The following EXOC6B variants were observed in gnomAD, a reference collection of about 807,000 sequenced individuals.
EXOC6B encodes the protein exocyst complex component 6B.
A neutral mutation model predicts 113.5 loss-of-function variants in EXOC6B; 54 were observed. The observed-to-expected ratio is 0.48, with a 90% CI of 0.38 to 0.60. EXOC6B has a LOEUF of 0.60. Ranked by LOEUF, EXOC6B falls within the 20% of genes least tolerant of loss-of-function variation. The pLI is 0.00. For synonymous variants in EXOC6B, 357 were observed against 339.0 expected (o/e 1.05, Z -0.58); for missense variants, 797 against 977.5 (o/e 0.82, Z 2.46).
At chr2:72,502,431 C>T (rs1700374340) in intron 11 of EXOC6B, among the ~76,000 whole-genome samples, 1 of 152,094 alleles carries the variant, frequency 6.6e-6, no homozygotes, top group Non-Finnish European at 1.5e-5. Flanking sequence ...GCCTATGGTC[C>T]CAGCTACTCA....
chr2:72,279,406 T>C (rs574688915), intron 20 of EXOC6B, among the ~76,000 whole-genome samples: 8 of 152,286 alleles, frequency 5.3e-5, no homozygotes, highest in Admixed American at 3.9e-4. Context: ...ATCAGATGGA[T>C]TTGGAAATTT....
At chr2:72,351,237 C>A (rs184937900) in intron 19 of EXOC6B, among the ~76,000 whole-genome samples, 29 of 152,254 alleles carry the variant, frequency 1.9e-4, no homozygotes, top group Admixed American at 1.6e-3. Flanking sequence ...TTTACTGATG[C>A]CTACAAAGAA....
chr2:72,475,332 C>T (rs893781808), intron 17 of EXOC6B, among the ~76,000 whole-genome samples: 4 of 152,168 alleles, frequency 2.6e-5, no homozygotes, highest in African/African-American at 9.7e-5. Context: ...ATGGCAGTGG[C>T]AGAAACATCC....
intron 19 of EXOC6B, among the ~76,000 whole-genome samples, chr2:72,353,992 C>A (rs1481545776): frequency 6.6e-6 from 1 of 152,166 alleles, no homozygotes; most frequent in Admixed American, 6.5e-5. Context: ...GAGCAGCAAG[C>A]TTCGGATCAC....
At chr2:72,602,400 G>A (rs956819393) in intron 6 of EXOC6B, among the ~76,000 whole-genome samples, 1 of 152,058 alleles carries the variant, frequency 6.6e-6, no homozygotes, top group Non-Finnish European at 1.5e-5. Context: ...CATACTCCAC[G>A]TGAGAAAGAG....
chr2:72,824,868 A>C (rs1401314168), intron 1 of EXOC6B, among the ~76,000 whole-genome samples: 1 of 152,158 alleles, frequency 6.6e-6, no homozygotes, highest in African/African-American at 2.4e-5. Context: ...ACAGTGGTTA[A>C]GTGTCTGGGT....
intron 6 of EXOC6B, among the ~76,000 whole-genome samples, chr2:72,704,004 C>T (rs1433506879): frequency 2.6e-5 from 4 of 151,900 alleles, no homozygotes; most frequent in Non-Finnish European, 5.9e-5. Context: ...AACTCTCCAC[C>T]CCAAATCAAC....
At chr2:72,710,750 G>A (rs1679220209) in intron 6 of EXOC6B, among the ~76,000 whole-genome samples, 1 of 152,154 alleles carries the variant, frequency 6.6e-6, no homozygotes, top group African/African-American at 2.4e-5. Context: ...AAATTTTGCT[G>A]TAGTGAAGAC....
chr2:72,721,413 AC>A (rs1170639785), intron 5 of EXOC6B, among the ~76,000 whole-genome samples: 1 of 132,978 alleles, frequency 7.5e-6, no homozygotes, highest in Non-Finnish European at 1.6e-5. Context: ...TCACAAAAGA[AC>A]CAAAAAGGGC....
intron 6 of EXOC6B, among the ~76,000 whole-genome samples, chr2:72,670,770 C>T (rs1224971104): frequency 1.3e-5 from 2 of 152,178 alleles, no homozygotes; most frequent in Admixed American, 6.5e-5. Flanking sequence ...GAATGCTATT[C>T]TTAATCTCTT....
At chr2:72,775,566 T>C (rs1683647556) in intron 1 of EXOC6B, among the ~76,000 whole-genome samples, 1 of 151,958 alleles carries the variant, frequency 6.6e-6, no homozygotes, top group Non-Finnish European at 1.5e-5. Flanking sequence ...TGGAGTACTA[T>C]TCAGCAAAAA....
chr2:72,370,335 T>A (rs978592260), intron 19 of EXOC6B, among the ~76,000 whole-genome samples: 13 of 152,134 alleles, frequency 8.5e-5, no homozygotes, highest in South Asian at 4.1e-4. Flanking sequence ...CCAGTTAGAA[T>A]GGCGATCATT....
intron 5 of EXOC6B, among the ~76,000 whole-genome samples, chr2:72,727,503 C>T (rs1273305360): frequency 6.6e-6 from 1 of 152,088 alleles, no homozygotes; most frequent in Non-Finnish European, 1.5e-5. Flanking sequence ...GATTCTTTTG[C>T]TAGAAAGAAC....
chr2:72,331,679 T>A (rs1688423352), intron 20 of EXOC6B, among the ~76,000 whole-genome samples: 1 of 152,114 alleles, frequency 6.6e-6, no homozygotes, highest in Non-Finnish European at 1.5e-5. Context: ...ATTTGTACTA[T>A]CTAATTCACG....
At chr2:72,475,650 G>C (rs1698694805) in intron 17 of EXOC6B, among the ~76,000 whole-genome samples, 1 of 152,124 alleles carries the variant, frequency 6.6e-6, no homozygotes, top group South Asian at 2.1e-4. Flanking sequence ...AGTAGTTAGG[G>C]GTGAGGCAAT....
At chr2:72,256,918 G>A (rs187283794) in intron 20 of EXOC6B, among the ~76,000 whole-genome samples, 3 of 151,600 alleles carry the variant, frequency 2.0e-5, no homozygotes, top group Non-Finnish European at 2.9e-5. Context: ...ACACAAGGAG[G>A]CTGAATGTAA....
chr2:72,572,867 T>A (rs1310955966), intron 7 of EXOC6B, among the ~76,000 whole-genome samples: 2 of 152,222 alleles, frequency 1.3e-5, no homozygotes, highest in Non-Finnish European at 2.9e-5. Flanking sequence ...GAATTTTTTT[T>A]AAGATAGAAT....
chr2:72,487,301 C>G (rs1295218348), intron 16 of EXOC6B, among the ~76,000 whole-genome samples: 1 of 152,132 alleles, frequency 6.6e-6, no homozygotes, highest in Non-Finnish European at 1.5e-5. Flanking sequence ...TGGTCTGTGA[C>G]AGTTTATCAG....
intron 6 of EXOC6B, among the ~76,000 whole-genome samples, chr2:72,607,038 A>G (rs1296318928): frequency 6.6e-6 from 1 of 152,130 alleles, no homozygotes; most frequent in East Asian, 1.9e-4. Flanking sequence ...TCCTTATTAA[A>G]CTCATGATAT....
Sources: allele counts gnomAD v4.1 joint callset (sites outside exome capture counted in the v4.1 genomes callset), GRCh38; gene constraint gnomAD v4.1.1; transcripts MANE v1.5; gene names NCBI Gene and HGNC (gene_info 2026-07-23, HGNC 2026-07-21).